The following GSE1 variants were observed in gnomAD, a reference collection of about 807,000 sequenced individuals.
GSE1 encodes Gse1 coiled-coil protein.
GSE1 carries 32 observed loss-of-function variants against 112.6 expected under a neutral mutation model. The observed-to-expected ratio is 0.28, with a 90% CI of 0.21 to 0.38. The LOEUF (loss-of-function observed/expected upper bound fraction) is 0.38. GSE1 is among the 10% of genes least tolerant of loss of function. The pLI is 1.00. For synonymous variants in GSE1, 1,115 were observed against 735.6 expected (o/e 1.52, Z -8.35); for missense variants, 2,348 against 1,699.2 (o/e 1.38, Z -6.71).
intron 1 of GSE1, among the ~76,000 whole-genome samples, chr16:85,624,687 C>T (rs746199436): frequency 5.3e-5 from 8 of 152,228 alleles, no homozygotes; most frequent in Non-Finnish European, 8.8e-5. Context: ...CTCCAGCCTC[C>T]GTTCAGCCTC....
chr16:85,475,525 G>T (rs2050425335), intron 2 of GSE1, among the ~76,000 whole-genome samples: 1 of 152,234 alleles, frequency 6.6e-6, no homozygotes, highest in African/African-American at 2.4e-5. Flanking sequence ...TTGTGCCAAA[G>T]AGTGATGATT....
intron 1 of GSE1, among the ~76,000 whole-genome samples, chr16:85,281,689 C>G (rs2044862415): frequency 6.6e-6 from 1 of 152,138 alleles, no homozygotes; most frequent in African/African-American, 2.4e-5. Context: ...TGGGCAAAAC[C>G]AAGGTGCATG....
chr16:85,625,972 T>C (rs1264348187), intron 1 of GSE1, among the ~76,000 whole-genome samples: 1 of 151,926 alleles, frequency 6.6e-6, no homozygotes, highest in Non-Finnish European at 1.5e-5. Context: ...CCCACCTGCT[T>C]GTGTTTTCTC....
intron 1 of GSE1, among the ~76,000 whole-genome samples, chr16:85,304,603 G>GC (rs200337487): frequency 2.4e-5 from 3 of 126,164 alleles, no homozygotes; most frequent in South Asian, 3.0e-4. Flanking sequence ...GCCGGGGGCG[G>GC]GGGGGTGGGG....
intron 2 of GSE1, among the ~76,000 whole-genome samples, chr16:85,547,588 C>T (rs1032783167): frequency 6.6e-6 from 1 of 152,010 alleles, no homozygotes; most frequent in Non-Finnish European, 1.5e-5. Context: ...CAGATCAAAC[C>T]AGTATACTGG....
At chr16:85,505,246 A>C (rs189860272) in intron 2 of GSE1, among the ~76,000 whole-genome samples, 1 of 152,090 alleles carries the variant, frequency 6.6e-6, no homozygotes, top group East Asian at 1.9e-4. Flanking sequence ...TGTTCATGTC[A>C]CCTGAGGCCT....
chr16:85,611,511 A>T, upstream of GSE1: 1 of 982,372 alleles, frequency 1.0e-6, no homozygotes, highest in Non-Finnish European at 1.2e-6. Context: ...GCGCCGTGCC[A>T]GGGCCGGCCA....
intron 1 of GSE1, among the ~76,000 whole-genome samples, chr16:85,617,250 C>G (rs755034857): frequency 3.3e-5 from 5 of 152,238 alleles, no homozygotes; most frequent in Non-Finnish European, 2.9e-5. Flanking sequence ...GAAGTGAGAG[C>G]TGCCCCCGGG....
chr16:85,260,897 G>A (rs1382920498), intron 1 of GSE1, among the ~76,000 whole-genome samples: 1 of 152,258 alleles, frequency 6.6e-6, no homozygotes. Context: ...CCAGCATCCA[G>A]ATGGGGGCTA....
intron 2 of GSE1, among the ~76,000 whole-genome samples, chr16:85,448,596 AC>A (rs2049578030): frequency 6.6e-6 from 1 of 152,100 alleles, no homozygotes; most frequent in Admixed American, 6.5e-5. Flanking sequence ...AGCAGAGCCG[AC>A]CCTGTGGCCA....
chr16:85,267,070 C>T lies in GSE1; in HGVS notation c.2284-90393C>T, dbSNP rs143663854. Among the ~76,000 whole-genome samples, 801 of 152,316 alleles carry T rather than the reference C, an allele frequency of 5.3e-3. 3 individuals carry two copies. Among genetic ancestry groups the T allele is most frequent in the Non-Finnish European group, 8.9e-3 (607 of 68,018 alleles). ...CCTCTAGAGCAGGGGATGCGTCTCCCGCTCAGCTAATTATGTGGAAAATTG... is the reference window on the plus strand; with the variant it reads ...CCTCTAGAGCAGGGGATGCGTCTCCTGCTCAGCTAATTATGTGGAAAATTG... On this transcript the variant is annotated intron_variant, in intron 1 of 2. Coordinates refer to the GSE1 transcript ENST00000637419.
intron 1 of GSE1, among the ~76,000 whole-genome samples, chr16:85,265,034 C>T (rs554397419): frequency 2.2e-4 from 33 of 152,220 alleles, no homozygotes; most frequent in Admixed American, 1.2e-3. Context: ...ACCACTGTGA[C>T]ACCCGGAGCA....
chr16:85,590,053 G>C (rs2046917892), intron 1 of GSE1, among the ~76,000 whole-genome samples: 1 of 152,146 alleles, frequency 6.6e-6, no homozygotes, highest in Non-Finnish European at 1.5e-5. Flanking sequence ...TGTGAACTGT[G>C]TGTTTATGAA....
At chr16:85,424,361 A>G (rs1383402215) in intron 2 of GSE1, among the ~76,000 whole-genome samples, 1 of 152,302 alleles carries the variant, frequency 6.6e-6, no homozygotes, top group East Asian at 1.9e-4. Context: ...CCCGGGGCTC[A>G]TGGGGAGGCT....
At chr16:85,348,646 G>C (rs1181653609) in intron 1 of GSE1, among the ~76,000 whole-genome samples, 2 of 152,166 alleles carry the variant, frequency 1.3e-5, no homozygotes, top group East Asian at 3.9e-4. Context: ...CCCACTTTCT[G>C]TCCGCTCAGC....
chr16:85,210,739 A>G lies in GSE1; in HGVS notation c.2283+38932A>G, dbSNP rs115710671. Among the ~76,000 whole-genome samples, 538 of 152,304 alleles carry G rather than the reference A, an allele frequency of 3.5e-3. 4 individuals are homozygous for G. Among genetic ancestry groups the G allele is most frequent in the African/African-American group, 0.012 (504 of 41,578 alleles). ...AGCTGCATGAGGCTGTGATTAGGTG[A>G]CGGGGGTGCCACCCGCTGCCCATTG... On this transcript the variant is annotated intron_variant, in intron 1 of 2. Transcript: ENST00000637419.
At chr16:85,366,598 C>A (rs2047190714) in intron 2 of GSE1, among the ~76,000 whole-genome samples, 1 of 152,208 alleles carries the variant, frequency 6.6e-6, no homozygotes, top group African/African-American at 2.4e-5. Flanking sequence ...GGACTTTTAC[C>A]CATGCTGGGT....
chr16:85,340,604 G>C (rs1041509781), intron 1 of GSE1, among the ~76,000 whole-genome samples: 3 of 152,142 alleles, frequency 2.0e-5, no homozygotes, highest in African/African-American at 7.2e-5. Context: ...TCGCGTCACT[G>C]TACTCCAGCC....
chr16:85,265,106 C>A (rs3934541), intron 1 of GSE1, among the ~76,000 whole-genome samples: 2 of 152,132 alleles, frequency 1.3e-5, no homozygotes, highest in African/African-American at 4.8e-5. Context: ...TGGCGGGGGC[C>A]GCTTCCCTGC....
Sources: gnomAD v4.1 joint callset for allele counts (sites outside exome capture counted in the v4.1 genomes callset) on GRCh38, gnomAD v4.1.1 for gene constraint, MANE v1.5 for transcripts, NCBI Gene and HGNC (gene_info 2026-07-23, HGNC 2026-07-21) for gene names.